The following PTPN23 variants were observed in gnomAD, a reference collection of about 807,000 sequenced individuals.
PTPN23 encodes the protein tyrosine-protein phosphatase non-receptor type 23.
PTPN23 carries 72 observed loss-of-function variants against 156.3 expected under a neutral mutation model. The ratio of observed to expected loss-of-function variants is 0.46; its 90% CI spans 0.38 to 0.56. The LOEUF (loss-of-function observed/expected upper bound fraction) is 0.56. Among genes scored for constraint, PTPN23 ranks in the 20% least tolerant of loss-of-function variants. The pLI, the probability that PTPN23 is intolerant of heterozygous loss-of-function variation, is 0.00. For synonymous variants in PTPN23, 957 were observed against 899.6 expected (o/e 1.06, Z -1.14); for missense variants, 1,974 against 2,171.5 (o/e 0.91, Z 1.81).
Position 47,406,025 on chromosome 3 carries a change from G to T in PTPN23, c.525G>T (p.Thr175=). Residue 175 remains threonine (T), a synonymous_variant, in exon 6 of 25, where the codon ACG becomes ACT. Coordinates refer to ENST00000265562, the MANE Select transcript of PTPN23 (RefSeq NM_015466.4). The surrounding 1 kb of genome is among the most constrained non-coding windows in gnomAD (Gnocchi z 5.8). ...TCGACATGAGCCGCCAGATCCTTACGCTCAACGTCAACCTCATGCTGGTGA... is the reference window on the plus strand; with the variant it reads ...TCGACATGAGCCGCCAGATCCTTACTCTCAACGTCAACCTCATGCTGGTGA... ...YSVDMSRQIL[T]LNVNLMLGQA... is the part of the protein sequence containing the mutation. 4 of 1,613,096 alleles carry T rather than the reference G, an allele frequency of 2.5e-6. No individual in the cohort carries two copies. The highest frequency in any genetic ancestry group is 3.4e-6 in the Non-Finnish European group (4 of 1,179,764).
Position 47,412,774 on chromosome 3 carries a change from C to T in PTPN23, c.4500C>T (p.Ala1500=). 6.2e-7 allele frequency: 1 copy of T among 1,612,706 alleles called. No homozygotes were observed. Among genetic ancestry groups the T allele is most frequent in the South Asian group, 1.1e-5 (1 of 90,928 alleles). Residue 1500 remains alanine (A), a synonymous_variant, in exon 25 of 25, where the codon GCC becomes GCT. Coordinates refer to ENST00000265562, the MANE Select transcript of PTPN23 (RefSeq NM_015466.4). ...GGDVPISSIQ[A]TIAKLSIRPP... ...ATGTGCCCATCAGCTCCATCCAGGCCACCATTGCCAAGCTCAGCATTCGGC... is the reference window on the plus strand; with the variant it reads ...ATGTGCCCATCAGCTCCATCCAGGCTACCATTGCCAAGCTCAGCATTCGGC...
intron 1 of PTPN23, among the ~76,000 whole-genome samples, chr3:47,387,449 C>T (rs1704678543): frequency 6.7e-6 from 1 of 148,564 alleles, no homozygotes; most frequent in African/African-American, 2.5e-5. Context: ...TGTGGTGGCA[C>T]ACACCTGTAG....
At chr3:47,412,662 C>T (rs764093162) in intron 24 of PTPN23, 35 bp downstream of exon 24, 7 of 1,605,394 alleles carry the variant, frequency 4.4e-6, no homozygotes, top group South Asian at 1.1e-5. Flanking sequence ...CTGGGAGAGC[C>T]ACAGCCTTGG....
Position 47,413,410 on chromosome 3 carries a change from G to GAAAT in PTPN23, c.*228_*231dup, listed in dbSNP as rs1187918566. 3.0e-5 allele frequency: 18 copies of GAAAT among 605,686 alleles called. No homozygotes were observed. Among genetic ancestry groups the GAAAT allele is most frequent in the South Asian group, 2.8e-4 (11 of 39,796 alleles). The allele number at this position is 605,686 out of a possible 1,614,324, so 37.5% of individuals were successfully genotyped here. A position where few individuals can be genotyped will look rare whatever the true frequency, so the allele number is the denominator to read the frequency against. ...CGACATTTTTCAGCTCTTTGCTATTGAAATAATAAACCACCCTGTTCTGTG... is the reference window on the plus strand; with the variant it reads ...CGACATTTTTCAGCTCTTTGCTATTGAAATAAATAATAAACCACCCTGTTCTGTG... On this transcript the variant is annotated 3_prime_UTR_variant, in exon 25 of 25. Coordinates refer to ENST00000265562, the MANE Select transcript of PTPN23 (RefSeq NM_015466.4).
intron 2 of PTPN23, among the ~76,000 whole-genome samples, chr3:47,403,640 C>T (rs1239321733): frequency 6.6e-6 from 1 of 152,108 alleles, no homozygotes; most frequent in Non-Finnish European, 1.5e-5. Context: ...TCGATCTTTT[C>T]CCGTCGGCCT....
At chr3:47,398,375 T>A (rs1456522537) in intron 2 of PTPN23, among the ~76,000 whole-genome samples, 1 of 152,134 alleles carries the variant, frequency 6.6e-6, no homozygotes, top group Non-Finnish European at 1.5e-5. Flanking sequence ...CTAGGCCTCT[T>A]GCACCAGATC....
At chr3:47,382,271 A>G (rs139165540) in intron 1 of PTPN23, among the ~76,000 whole-genome samples, 199 of 152,014 alleles carry the variant, frequency 1.3e-3, no homozygotes, top group African/African-American at 4.7e-3. Context: ...GAATTTTGTT[A>G]ACGGTTATCC....
chr3:47,410,982 C>T lies in PTPN23; in HGVS notation c.3184C>T (p.Pro1062Ser). ...GPAPSTRPMG[P>S]QAAPLTIRGP... is the part of the protein sequence containing the mutation. Reference sequence around the variant, plus strand: ...TGCCCCTTCTACCAGACCCATGGGCCCCCAGGCAGCCCCTCTTACCATTCG... The same window carrying T: ...TGCCCCTTCTACCAGACCCATGGGCTCCCAGGCAGCCCCTCTTACCATTCG... The change falls in exon 20 of 25, where the codon CCC (proline) becomes TCC (serine). Residue 1062 changes from proline to serine, a missense_variant. By Grantham distance (74) the Pro-to-Ser change is moderately conservative. Around this residue, in one of 4 missense-constraint regions of PTPN23, gnomAD observed 731 missense variants for 669.1 expected, o/e 1.09. Transcript: ENST00000265562. 1 of 1,606,900 alleles carries T rather than the reference C, an allele frequency of 6.2e-7. No homozygotes were observed. Among genetic ancestry groups the T allele is most frequent in the African/African-American group, 1.3e-5 (1 of 74,928 alleles).
chr3:47,407,283 C>T lies in PTPN23; in HGVS notation c.865-26C>T, dbSNP rs769531893. 1.9e-6 allele frequency: 3 copies of T among 1,613,608 alleles called. No individual in the cohort carries two copies. Among genetic ancestry groups the T allele is most frequent in the East Asian group, 4.5e-5 (2 of 44,880 alleles). On this transcript the variant is annotated intron_variant, in intron 10 of 24. Transcript: ENST00000265562. The surrounding 1 kb of genome is among the most constrained non-coding windows in gnomAD (Gnocchi z 4.0). ...GTGCCAGCCTTGGTTAGTGCTAAGG[C>T]CCCACCCCTGTCCCTAACCCCACAG...
chr3:47,384,833 G>C (rs886657386), intron 1 of PTPN23, among the ~76,000 whole-genome samples: 2 of 151,856 alleles, frequency 1.3e-5, no homozygotes, highest in African/African-American at 4.8e-5. Context: ...CACCATCTTG[G>C]CTCACCACAA....
In PTPN23 at chr3:47,405,198, G is replaced by T; in HGVS notation, c.364+117G>T. 2.2e-6 allele frequency: 2 copies of T among 925,320 alleles called. No homozygotes were observed. Among genetic ancestry groups the T allele is most frequent in the Non-Finnish European group, 3.4e-6 (2 of 582,996 alleles). 57.3% of individuals were successfully genotyped at this position (925,320 alleles called of 1,614,324 possible). A position where few individuals can be genotyped will look rare whatever the true frequency, so the allele number is the denominator to read the frequency against. ...ATAAAGGGAGGACTCCAGGATTCCC[G>T]CCCCTCCACTGACCTCCCCACAGCC... On this transcript the variant is annotated intron_variant, in intron 4 of 24. Transcript: ENST00000265562. This position sits in a 1 kb window ranked among gnomAD's most constrained non-coding sequence, Gnocchi z 4.7.
chr3:47,408,295 C>T (rs1245116853), intron 14 of PTPN23, 50 bp from the exon 15 acceptor site: 1 of 1,591,046 alleles, frequency 6.3e-7, no homozygotes, highest in Admixed American at 1.7e-5. Context: ...TTGACATGGT[C>T]AGAGTTGGAT....
chr3:47,381,519 C>T (rs1704538119), intron 1 of PTPN23, among the ~76,000 whole-genome samples: 1 of 152,174 alleles, frequency 6.6e-6, no homozygotes, highest in Non-Finnish European at 1.5e-5. Flanking sequence ...ATGCCAGGAC[C>T]GCCCCGCGCG....
chr3:47,403,642 C>T (rs767618383), intron 2 of PTPN23, among the ~76,000 whole-genome samples: 3 of 152,130 alleles, frequency 2.0e-5, no homozygotes, highest in Non-Finnish European at 4.4e-5. Context: ...GATCTTTTCC[C>T]GTCGGCCTCC....
chr3:47,412,227 C>CT (rs961325194), intron 22 of PTPN23, 29 bp downstream of exon 22: 3 of 1,613,180 alleles, frequency 1.9e-6, no homozygotes, highest in Admixed American at 3.3e-5. Context: ...GGTCTCTCCT[C>CT]TATGGGCTCT....
Position 47,413,226 on chromosome 3 carries a change from A to T in PTPN23, c.*41A>T. The T allele has an allele frequency of 6.5e-7, 1 of 1,542,402 alleles. No homozygotes were observed. The highest frequency in any genetic ancestry group is 1.2e-5 in the South Asian group (1 of 83,838). On this transcript the variant is annotated 3_prime_UTR_variant, in exon 25 of 25. Transcript: ENST00000265562. The stretch of plus-strand genomic sequence containing the variant: ...CTGGTCCTTACACTACATCATCATC[A>T]TCTCATGCCCACCTGCCCACACCCA...
chr3:47,408,413 C>T lies in PTPN23; in HGVS notation c.1253C>T (p.Pro418Leu). The T allele has an allele frequency of 6.2e-7, 1 of 1,614,174 alleles. No homozygotes were observed. Among genetic ancestry groups the T allele is most frequent in the Non-Finnish European group, 8.5e-7 (1 of 1,180,024 alleles). The change falls in exon 15 of 25, where the codon CCA becomes CTA. Residue 418 changes from proline (P) to leucine (L), a missense_variant. Transcript: ENST00000265562. ...AACCTTGATGCCTACAGCCACATCC[C>T]ACCCCAGCTCATGGAGAAGTGCGCG... is the stretch of plus-strand genomic sequence containing the variant. ...VDNLDAYSHI[P>L]PQLMEKCAAL...
Position 47,410,250 on chromosome 3 carries a change from G to T in PTPN23, c.2452G>T (p.Gly818Trp). Reference protein sequence around the residue: ...PGPHAMPVAPGPALYPAPAYT... With the variant: ...PGPHAMPVAPWPALYPAPAYT... Reference sequence around the variant, plus strand: ...GCCCCATGCAATGCCCGTAGCACCTGGGCCTGCCCTCTACCCAGCCCCTGC... The same window carrying T: ...GCCCCATGCAATGCCCGTAGCACCTTGGCCTGCCCTCTACCCAGCCCCTGC... Residue 818 changes from glycine to tryptophan, a missense_variant, in exon 20 of 25, where the codon GGG (glycine) becomes TGG (tryptophan). Coordinates refer to ENST00000265562, the MANE Select transcript of PTPN23 (RefSeq NM_015466.4). 6.2e-7 allele frequency: 1 copy of T among 1,610,870 alleles called. No individual in the cohort carries two copies. Among genetic ancestry groups the T allele is most frequent in the Non-Finnish European group, 8.5e-7 (1 of 1,178,690 alleles).
intron 1 of PTPN23, among the ~76,000 whole-genome samples, chr3:47,382,687 T>C (rs1380752049): frequency 4.1e-5 from 4 of 98,302 alleles, no homozygotes; most frequent in Non-Finnish European, 8.8e-5. Flanking sequence ...TTTCTTTTTT[T>C]TTTTTTTTTT....
Sources: gnomAD v4.1 joint callset for allele counts (sites outside exome capture counted in the v4.1 genomes callset) on GRCh38, gnomAD v4.1.1 for gene constraint, gnomAD v4.1.1 regional missense constraint, Gnocchi (gnomAD v3.1) non-coding constraint, MANE v1.5 for transcripts, NCBI Gene and HGNC (gene_info 2026-07-23, HGNC 2026-07-21) for gene names.